The following LRMDA variants were observed in gnomAD, a reference collection of about 807,000 sequenced individuals.
LRMDA encodes the protein leucine rich melanocyte differentiation associated.
In LRMDA, 18 loss-of-function variants were observed where a neutral mutation model predicts 29.8. That is an observed-to-expected ratio of 0.60 (90% CI 0.42 to 0.90). The LOEUF (loss-of-function observed/expected upper bound fraction) is 0.90, where lower values mean the gene tolerates loss of function less well. LRMDA is among the 40% of genes least tolerant of loss of function. LRMDA has a pLI of 0.00. For missense variants in LRMDA, 273 were observed against 273.9 expected (o/e 1.00, Z 0.02); for synonymous variants, 125 against 109.4 (o/e 1.14, Z -0.89).
chr10:76,474,501 T>C lies in LRMDA; in HGVS notation c.602-82708T>C, dbSNP rs890651038. On this transcript the variant is annotated intron_variant, in intron 6 of 6. Transcript: ENST00000611255. ...TATCTGATAAGGTATCCAAAATATA[T>C]AAAGAACACCTATAACTCAATAATA... Among the ~76,000 whole-genome samples, 11 of 151,420 alleles carry C rather than the reference T, an allele frequency of 7.3e-5. 1 individual carries two copies. The highest frequency in any genetic ancestry group is 6.6e-4 in the Admixed American group (10 of 15,170).
At chr10:75,665,052 A>G (rs1206151946) in intron 2 of LRMDA, among the ~76,000 whole-genome samples, 1 of 152,114 alleles carries the variant, frequency 6.6e-6, no homozygotes, top group East Asian at 1.9e-4. Context: ...CTGGGATTTG[A>G]ACTTTGGTCT....
intron 5 of LRMDA, among the ~76,000 whole-genome samples, chr10:76,169,986 G>A (rs1199763545): frequency 6.6e-6 from 1 of 152,148 alleles, no homozygotes; most frequent in African/African-American, 2.4e-5. Flanking sequence ...CTCCAGTGAA[G>A]TTTCCTGTAG....
At chr10:75,821,186 C>T (rs192590175) in intron 2 of LRMDA, among the ~76,000 whole-genome samples, 2 of 152,260 alleles carry the variant, frequency 1.3e-5, no homozygotes, top group Admixed American at 6.5e-5. Flanking sequence ...CACCCTGATA[C>T]TAAAGCCAGG....
chr10:76,370,723 A>G (rs896206880), intron 6 of LRMDA, among the ~76,000 whole-genome samples: 15 of 152,284 alleles, frequency 9.9e-5, no homozygotes, highest in Non-Finnish European at 1.6e-4. Context: ...TAAACTTAAC[A>G]TAGGTCTGAA....
In LRMDA at chr10:76,496,806, T is replaced by C. The variant is rs1842881783; in HGVS notation, c.602-60403T>C. 2.7e-5 allele frequency among the ~76,000 whole-genome samples: 2 copies of C among 74,862 alleles called. 1 individual carries two copies. The highest frequency in any genetic ancestry group is 6.5e-5 in the African/African-American group (2 of 30,630). The allele number at this position is 74,862 out of a possible 152,430, so 49.1% of individuals were successfully genotyped here. The stretch of plus-strand genomic sequence containing the variant: ...GGAGTGTTTGTCATGCCAAAGAGAA[T>C]CTGCATGTGTGACTAATAAGTCAGC... On this transcript the variant is annotated intron_variant, in intron 6 of 6. Transcript: ENST00000611255.
intron 2 of LRMDA, among the ~76,000 whole-genome samples, chr10:75,492,334 C>G (rs1844998356): frequency 6.6e-6 from 1 of 152,222 alleles, no homozygotes; most frequent in South Asian, 2.1e-4. Context: ...CTGACCCCAC[C>G]TCTTGGCCTC....
At chr10:75,672,893 C>T (rs933188618) in intron 2 of LRMDA, among the ~76,000 whole-genome samples, 3 of 151,420 alleles carry the variant, frequency 2.0e-5, no homozygotes, top group African/African-American at 4.9e-5. Flanking sequence ...TTCCTTCCAC[C>T]GTTGGCTTTT....
intron 5 of LRMDA, among the ~76,000 whole-genome samples, chr10:76,123,187 G>T (rs1156796488): frequency 6.6e-6 from 1 of 152,032 alleles, no homozygotes; most frequent in Non-Finnish European, 1.5e-5. Context: ...CAGTGACTTT[G>T]GGGATATTAA....
intron 2 of LRMDA, among the ~76,000 whole-genome samples, chr10:75,676,599 C>G (rs952618351): frequency 2.0e-5 from 3 of 152,120 alleles, no homozygotes; most frequent in African/African-American, 7.2e-5. Flanking sequence ...CCTGTTTCCT[C>G]CAAAACAATT....
intron 2 of LRMDA, among the ~76,000 whole-genome samples, chr10:75,729,826 T>G (rs1842674069): frequency 6.6e-6 from 1 of 152,204 alleles, no homozygotes; most frequent in African/African-American, 2.4e-5. Context: ...AGACAGAGTC[T>G]CACTTAGTCA....
At chr10:75,659,527 A>T (rs1335075445) in intron 2 of LRMDA, among the ~76,000 whole-genome samples, 1 of 152,198 alleles carries the variant, frequency 6.6e-6, no homozygotes, top group Non-Finnish European at 1.5e-5. Flanking sequence ...ACATTATACC[A>T]AGTAAAACAA....
At chr10:75,785,020 C>A (rs1356768904) in intron 2 of LRMDA, among the ~76,000 whole-genome samples, 1 of 152,194 alleles carries the variant, frequency 6.6e-6, no homozygotes, top group African/African-American at 2.4e-5. Context: ...ATGGTAAAGT[C>A]CACGTCAATC....
At chr10:76,224,211 C>T (rs570364663) in intron 5 of LRMDA, among the ~76,000 whole-genome samples, 2 of 151,562 alleles carry the variant, frequency 1.3e-5, no homozygotes, top group African/African-American at 4.8e-5. Context: ...AATGAGGGAA[C>T]CAGTGATGTG....
chr10:75,922,920 C>T (rs1398124168), intron 2 of LRMDA, among the ~76,000 whole-genome samples: 1 of 152,102 alleles, frequency 6.6e-6, no homozygotes, highest in Non-Finnish European at 1.5e-5. Context: ...CCATATTTAT[C>T]ACACTCTTAC....
chr10:76,216,786 T>C (rs1851736424), intron 5 of LRMDA, among the ~76,000 whole-genome samples: 2 of 152,210 alleles, frequency 1.3e-5, no homozygotes, highest in Admixed American at 6.5e-5. Context: ...GCAATTCCAC[T>C]GTACAACAGG....
intron 2 of LRMDA, among the ~76,000 whole-genome samples, chr10:75,635,868 T>A (rs1476523679): frequency 6.6e-6 from 1 of 152,066 alleles, no homozygotes; most frequent in Non-Finnish European, 1.5e-5. Context: ...TGTGGGCTCG[T>A]ACTGCACCCT....
intron 2 of LRMDA, among the ~76,000 whole-genome samples, chr10:75,585,700 C>A (rs1481328936): frequency 6.6e-6 from 1 of 152,226 alleles, no homozygotes; most frequent in Non-Finnish European, 1.5e-5. Flanking sequence ...AACATGACAT[C>A]TACCCTCTTA....
chr10:75,486,653 G>A lies in LRMDA; in HGVS notation c.131+48159G>A, dbSNP rs544576348. Among the ~76,000 whole-genome samples the A allele has an allele frequency of 9.2e-5, 14 of 152,152 alleles. No homozygotes were observed. In the South Asian group the frequency reaches 2.9e-3, roughly 32 times the overall value. ...AAAGGGGCATTCTGGTCTGGGGGGG[G>A]CAACATGAGCAAAGTTGGGCCTAGG... On this transcript the variant is annotated intron_variant, in intron 2 of 6. Coordinates refer to ENST00000611255, the MANE Select transcript of LRMDA (RefSeq NM_001305581.2).
At chr10:76,056,067 G>A (rs1848610174) in intron 4 of LRMDA, among the ~76,000 whole-genome samples, 2 of 152,234 alleles carry the variant, frequency 1.3e-5, no homozygotes, top group South Asian at 4.1e-4. Context: ...GGGTGAGCAA[G>A]GCAAAGAGGT....
Sources: allele counts gnomAD v4.1 joint callset (sites outside exome capture counted in the v4.1 genomes callset), GRCh38; gene constraint gnomAD v4.1.1; transcripts MANE v1.5; gene names NCBI Gene and HGNC (gene_info 2026-07-23, HGNC 2026-07-21).